ASAP1: variants seen among roughly 807,000 people sequenced by gnomAD.
ASAP1 encodes arf-GAP with SH3 domain, ANK repeat and PH domain-containing protein 1.
ASAP1 carries 43 observed loss-of-function variants against 145.2 expected under a neutral mutation model. The observed-to-expected ratio is 0.30, with a 90% CI of 0.23 to 0.38. The LOEUF (loss-of-function observed/expected upper bound fraction) is 0.38. Ranked by LOEUF, ASAP1 falls within the 10% of genes least tolerant of loss-of-function variation. The pLI is 1.00. For synonymous variants in ASAP1, 546 were observed against 515.5 expected (o/e 1.06, Z -0.80); for missense variants, 1,018 against 1,355.3 (o/e 0.75, Z 3.91).
At chr8:130,205,130 C>T (rs1816120542) in intron 5 of ASAP1, among the ~76,000 whole-genome samples, 1 of 152,070 alleles carries the variant, frequency 6.6e-6, no homozygotes. Context: ...AACTTTGCTC[C>T]AATAAGCGAT....
In ASAP1 at chr8:130,264,235, T is replaced by C. The variant is rs1388427525; in HGVS notation, c.187-27241A>G. ...TAGCTAAACAACGGAGGCTCCTAAA[T>C]AGGATTGGAAATGGAGAGAGAAAAG... On this transcript the variant is annotated intron_variant, in intron 3 of 29. Transcript: ENST00000518721. 2.0e-5 allele frequency among the ~76,000 whole-genome samples: 3 copies of C among 152,174 alleles called. No homozygotes were observed. The East Asian group carries it at 5.8e-4, about 29-fold the overall frequency.
chr8:130,356,028 G>C (rs1455619239), intron 3 of ASAP1, among the ~76,000 whole-genome samples: 2 of 152,084 alleles, frequency 1.3e-5, no homozygotes, highest in African/African-American at 2.4e-5. Flanking sequence ...GACTACACTT[G>C]CATTATAGTT....
intron 24 of ASAP1, among the ~76,000 whole-genome samples, chr8:130,104,930 A>G (rs1427166238): frequency 6.6e-6 from 1 of 152,186 alleles, no homozygotes; most frequent in Admixed American, 6.5e-5. Flanking sequence ...TGTCTGTAGA[A>G]ACATAATTTA....
intron 2 of ASAP1, among the ~76,000 whole-genome samples, chr8:130,400,190 G>A (rs111466250): frequency 0.051 from 7,792 of 152,216 alleles, 349 homozygotes; most frequent in African/African-American, 0.13. Flanking sequence ...ACCCCTTCTA[G>A]CACCCACACA....
intron 9 of ASAP1, among the ~76,000 whole-genome samples, chr8:130,171,884 A>C (rs904409709): frequency 1.3e-5 from 2 of 152,258 alleles, no homozygotes; most frequent in Non-Finnish European, 2.9e-5. Flanking sequence ...GTATGGGTAC[A>C]AAGTTAATCA....
At chr8:130,399,024 G>A (rs753647457) in intron 2 of ASAP1, among the ~76,000 whole-genome samples, 2 of 152,214 alleles carry the variant, frequency 1.3e-5, no homozygotes, top group Non-Finnish European at 2.9e-5. Context: ...TGTAGCCAGA[G>A]AACTAAATTC....
intron 3 of ASAP1, among the ~76,000 whole-genome samples, chr8:130,317,829 C>CA (rs1358547859): frequency 6.6e-6 from 1 of 152,174 alleles, no homozygotes; most frequent in Admixed American, 6.5e-5. Flanking sequence ...GCCCTTTCCT[C>CA]AAACAACTAA....
intron 3 of ASAP1, among the ~76,000 whole-genome samples, chr8:130,308,055 A>T (rs529848426): frequency 5.9e-5 from 9 of 152,382 alleles, no homozygotes; most frequent in African/African-American, 2.2e-4. Flanking sequence ...GCTTCTAGCA[A>T]AACATTCTTG....
chr8:130,282,433 T>C lies in ASAP1; in HGVS notation c.187-45439A>G, dbSNP rs147106994. On this transcript the variant is annotated intron_variant, in intron 3 of 29. Coordinates refer to ENST00000518721, the MANE Select transcript of ASAP1 (RefSeq NM_018482.4). ...TTATTAGTCTATTGGTAAAAACAAA[T>C]CAAAATATTTTTGAAATTTCATCTG... Among the ~76,000 whole-genome samples, 106 of 152,336 alleles carry C rather than the reference T, an allele frequency of 7.0e-4. 1 individual carries two copies. Among genetic ancestry groups the C allele is most frequent in the Admixed American group, 5.2e-3 (80 of 15,306 alleles).
intron 3 of ASAP1, among the ~76,000 whole-genome samples, chr8:130,271,321 A>T (rs889924574): frequency 2.6e-5 from 4 of 152,194 alleles, no homozygotes; most frequent in Non-Finnish European, 5.9e-5. Context: ...TACCCTTTTT[A>T]AAAAAATCAA....
intron 3 of ASAP1, among the ~76,000 whole-genome samples, chr8:130,272,868 A>G (rs1288201698): frequency 6.6e-6 from 1 of 152,220 alleles, no homozygotes; most frequent in Non-Finnish European, 1.5e-5. Context: ...GAGAGAGAAT[A>G]AAGAATGGCT....
intron 3 of ASAP1, among the ~76,000 whole-genome samples, chr8:130,271,089 C>T (rs978135384): frequency 2.0e-5 from 3 of 152,220 alleles, no homozygotes; most frequent in Non-Finnish European, 4.4e-5. Context: ...AGCCTGCTGC[C>T]GGGCTGCTCT....
At chr8:130,180,673 G>T in intron 8 of ASAP1, 78 bp downstream of exon 8, 1 of 1,475,750 alleles carries the variant, frequency 6.8e-7, no homozygotes, top group East Asian at 2.3e-5. Flanking sequence ...CTGCCTTTAA[G>T]CATAAAGACT....
At chr8:130,131,153 AAAACAAAC>A (rs149995760) in intron 15 of ASAP1, among the ~76,000 whole-genome samples, 10,519 of 149,260 alleles carry the variant, frequency 0.07, 389 homozygotes, top group Middle Eastern at 0.09. Flanking sequence ...CAAGACTCTG[AAAACAAAC>A]AAACAAACAA....
chr8:130,132,741 G>A (rs1450552520), intron 15 of ASAP1, among the ~76,000 whole-genome samples: 2 of 152,210 alleles, frequency 1.3e-5, no homozygotes, highest in Non-Finnish European at 2.9e-5. Context: ...TTGGCATACA[G>A]CTGGCATTCA....
Position 130,118,479 on chromosome 8 carries a change from G to A in ASAP1, c.1794+10C>T, listed in dbSNP as rs1564980113. ...TTACTTTTTATCCAATGATTTTAGTGAGGCCTTACCTGCCCAGGTTCCAGC... is the reference window on the plus strand; with the variant it reads ...TTACTTTTTATCCAATGATTTTAGTAAGGCCTTACCTGCCCAGGTTCCAGC... On this transcript the variant is annotated intron_variant, in intron 19 of 29. Transcript: ENST00000518721. 6.3e-7 allele frequency: 1 copy of A among 1,585,396 alleles called. No individual in the cohort carries two copies.
intron 4 of ASAP1, among the ~76,000 whole-genome samples, chr8:130,217,654 T>C (rs1291834423): frequency 1.3e-5 from 2 of 152,122 alleles, no homozygotes; most frequent in African/African-American, 4.8e-5. Context: ...GTTCTTTCAG[T>C]GAGCTGGACT....
At chr8:130,309,922 C>T (rs1027001394) in intron 3 of ASAP1, among the ~76,000 whole-genome samples, 1 of 152,104 alleles carries the variant, frequency 6.6e-6, no homozygotes, top group Non-Finnish European at 1.5e-5. Context: ...AGTCTTTAGA[C>T]ATATTTTTAT....
At chr8:130,108,610 C>T (rs1312247877) in intron 24 of ASAP1, among the ~76,000 whole-genome samples, 7 of 151,924 alleles carry the variant, frequency 4.6e-5, no homozygotes, top group Admixed American at 1.3e-4. Context: ...ACCAGCCTGG[C>T]CAATGTGGTG....
Sources: allele counts gnomAD v4.1 joint callset (sites outside exome capture counted in the v4.1 genomes callset), GRCh38; gene constraint gnomAD v4.1.1; transcripts MANE v1.5; gene names NCBI Gene and HGNC (gene_info 2026-07-23, HGNC 2026-07-21).